LMBR1: variants seen among roughly 807,000 people sequenced by gnomAD.
LMBR1 encodes limb region 1 protein homolog.
LMBR1 carries 52 observed loss-of-function variants against 73.9 expected under a neutral mutation model. The ratio of observed to expected loss-of-function variants is 0.70; its 90% CI spans 0.56 to 0.89. The LOEUF (loss-of-function observed/expected upper bound fraction) is 0.89. Ranked by LOEUF, LMBR1 falls within the 40% of genes least tolerant of loss-of-function variation. The pLI is 0.00. For missense variants in LMBR1, 539 were observed against 579.8 expected (o/e 0.93, Z 0.72); for synonymous variants, 215 against 209.4 (o/e 1.03, Z -0.23).
intron 15 of LMBR1, among the ~76,000 whole-genome samples, chr7:156,719,320 C>T (rs371223854): frequency 6.6e-6 from 1 of 151,618 alleles, no homozygotes; most frequent in Non-Finnish European, 1.5e-5. Flanking sequence ...CTCATCATTT[C>T]TTATGGCTGC....
chr7:156,825,881 A>G (rs1216933260), intron 4 of LMBR1, among the ~76,000 whole-genome samples: 4 of 152,336 alleles, frequency 2.6e-5, no homozygotes, highest in East Asian at 1.9e-4. Flanking sequence ...ATACACCATG[A>G]TATCTATTTG....
chr7:156,875,265 A>C (rs1385671819), intron 1 of LMBR1, among the ~76,000 whole-genome samples: 2 of 152,190 alleles, frequency 1.3e-5, no homozygotes, highest in African/African-American at 2.4e-5. Context: ...AAAATGAATA[A>C]GAGAAAGAAA....
At chr7:156,747,471 G>A (rs1412108854) in intron 9 of LMBR1, among the ~76,000 whole-genome samples, 1 of 152,030 alleles carries the variant, frequency 6.6e-6, no homozygotes, top group African/African-American at 2.4e-5. Context: ...TATATAAAAG[G>A]AGAGGTACTA....
At position 156,870,637 on chromosome 7, in the gene LMBR1, C is replaced by T. The variant is rs776587200; in HGVS notation, c.66+22291G>A. On this transcript the variant is annotated intron_variant, in intron 1 of 16. Coordinates refer to ENST00000353442, the MANE Select transcript of LMBR1 (RefSeq NM_022458.4). ...AAAATTAGCCAGGCGTGGCAGCAGG[C>T]GCCTGTAATCCCAGCTACTCGGGAG... Among the ~76,000 whole-genome samples, 10 of 151,824 alleles carry T rather than the reference C, an allele frequency of 6.6e-5. No homozygotes were observed. In the South Asian group the frequency reaches 1.3e-3, roughly 19 times the overall value.
rs1032886313 is a variant in LMBR1, at chr7:156,682,715, C to A, written c.*1363G>T. On this transcript the variant is annotated 3_prime_UTR_variant, in exon 17 of 17. Coordinates refer to ENST00000353442, the MANE Select transcript of LMBR1 (RefSeq NM_022458.4). ...AATTTCTGATGTCAAATAGACACAGCCTGCGTTTCATAAATTTCTCCCAGA... is the reference window on the plus strand; with the variant it reads ...AATTTCTGATGTCAAATAGACACAGACTGCGTTTCATAAATTTCTCCCAGA... The A allele has an allele frequency of 6.6e-6, 1 of 152,172 alleles. No homozygotes were observed. Among genetic ancestry groups the A allele is most frequent in the Non-Finnish European group, 1.5e-5 (1 of 68,034 alleles). 9.4% of individuals were successfully genotyped at this position (152,172 alleles called of 1,614,324 possible).
chr7:156,854,895 G>A (rs1434394314), intron 1 of LMBR1, among the ~76,000 whole-genome samples: 2 of 152,216 alleles, frequency 1.3e-5, no homozygotes, highest in Non-Finnish European at 2.9e-5. Context: ...AACACTAGGG[G>A]AAATTATACC....
chr7:156,874,246 G>A (rs956363976), intron 1 of LMBR1, among the ~76,000 whole-genome samples: 2 of 152,242 alleles, frequency 1.3e-5, no homozygotes, highest in Non-Finnish European at 2.9e-5. Context: ...ACTGGCCTGG[G>A]TGCTAAGTCC....
intron 5 of LMBR1, among the ~76,000 whole-genome samples, chr7:156,770,185 A>G (rs1824919766): frequency 6.6e-6 from 1 of 152,202 alleles, no homozygotes; most frequent in South Asian, 2.1e-4. Context: ...TACAAAAAGT[A>G]TGTCTATCTT....
At chr7:156,875,698 T>C (rs1010228224) in intron 1 of LMBR1, among the ~76,000 whole-genome samples, 18 of 152,308 alleles carry the variant, frequency 1.2e-4, no homozygotes, top group African/African-American at 4.1e-4. Flanking sequence ...GCCAAAAATT[T>C]TGTATCCAGT....
chr7:156,825,992 CTTTT>C, intron 4 of LMBR1, among the ~76,000 whole-genome samples: 1 of 152,156 alleles, frequency 6.6e-6, no homozygotes, highest in East Asian at 1.9e-4. Context: ...TTTTTTAGTT[CTTTT>C]GAGATGGAGT....
At chr7:156,731,174 A>G (rs1351292379) in intron 10 of LMBR1, among the ~76,000 whole-genome samples, 1 of 152,226 alleles carries the variant, frequency 6.6e-6, no homozygotes, top group Non-Finnish European at 1.5e-5. Flanking sequence ...AGTTTTAACA[A>G]TAGTTATGAC....
intron 16 of LMBR1, among the ~76,000 whole-genome samples, chr7:156,686,991 G>C (rs1806140757): frequency 6.6e-6 from 1 of 152,122 alleles, no homozygotes; most frequent in African/African-American, 2.4e-5. Flanking sequence ...TGCAATATTT[G>C]ATGAGCCATC....
chr7:156,704,001 G>T (rs1173165487), intron 15 of LMBR1, among the ~76,000 whole-genome samples: 1 of 152,130 alleles, frequency 6.6e-6, no homozygotes, highest in Non-Finnish European at 1.5e-5. Flanking sequence ...AAAGTGCTTG[G>T]AAACTAGAAG....
intron 2 of LMBR1, among the ~76,000 whole-genome samples, chr7:156,834,222 G>A (rs950327198): frequency 2.0e-4 from 31 of 152,196 alleles, no homozygotes; most frequent in African/African-American, 7.5e-4. Context: ...ATATGAATTT[G>A]TCATTAATAA....
intron 1 of LMBR1, among the ~76,000 whole-genome samples, chr7:156,877,906 G>A (rs1800450047): frequency 6.7e-6 from 1 of 150,048 alleles, no homozygotes. Context: ...AAATACGCAA[G>A]TCAATAAATG....
intron 4 of LMBR1, among the ~76,000 whole-genome samples, chr7:156,825,386 T>C (rs1192867131): frequency 6.6e-6 from 1 of 152,154 alleles, no homozygotes; most frequent in Non-Finnish European, 1.5e-5. Context: ...ATGGGTATGA[T>C]GAGCAAGAAA....
At position 156,893,133 on chromosome 7, in the gene LMBR1, G is replaced by C; in HGVS notation, c.-140C>G. On this transcript the variant is annotated 5_prime_UTR_variant, in exon 1 of 17. Transcript: ENST00000353442. Reference sequence around the variant, plus strand: ...CGAGCCGTGTTGGAACAGGTACCGCGACCACGACACCGGCCGTCGCCTCAG... The same window carrying C: ...CGAGCCGTGTTGGAACAGGTACCGCCACCACGACACCGGCCGTCGCCTCAG... 1.3e-6 allele frequency: 1 copy of C among 767,730 alleles called. No homozygotes were observed. Among genetic ancestry groups the C allele is most frequent in the Non-Finnish European group, 1.8e-6 (1 of 554,166 alleles). 47.6% of individuals were successfully genotyped at this position (767,730 alleles called of 1,614,324 possible). A position where few individuals can be genotyped will look rare whatever the true frequency, so the allele number is the denominator to read the frequency against.
intron 15 of LMBR1, among the ~76,000 whole-genome samples, chr7:156,698,550 C>T (rs377620081): frequency 2.0e-5 from 3 of 152,282 alleles, no homozygotes; most frequent in African/African-American, 2.4e-5. Context: ...TTCCGTGCAC[C>T]ACACGCTCAA....
At chr7:156,836,751 T>C (rs1837706637) in intron 2 of LMBR1, 62 bp downstream of exon 2, 6 of 1,060,294 alleles carry the variant, frequency 5.7e-6, no homozygotes, top group East Asian at 2.6e-5. Flanking sequence ...ATATATCTTA[T>C]ATACCATGCC....
Sources: gnomAD v4.1 joint callset for allele counts (sites outside exome capture counted in the v4.1 genomes callset) on GRCh38, gnomAD v4.1.1 for gene constraint, MANE v1.5 for transcripts, NCBI Gene and HGNC (gene_info 2026-07-23, HGNC 2026-07-21) for gene names.